The following PSTPIP2 variants were observed in gnomAD, a reference collection of about 807,000 sequenced individuals.
The protein encoded by PSTPIP2 is proline-serine-threonine phosphatase-interacting protein 2.
A neutral mutation model predicts 63.3 loss-of-function variants in PSTPIP2; 33 were observed. That is an observed-to-expected ratio of 0.52 (90% CI 0.40 to 0.70). The LOEUF is 0.70. Ranked by LOEUF, PSTPIP2 falls within the 30% of genes least tolerant of loss-of-function variation. The probability of loss-of-function intolerance (pLI) is 0.00; values close to 1 mark genes in which losing one functional copy is unlikely to be tolerated. For synonymous variants in PSTPIP2, 125 were observed against 132.7 expected (o/e 0.94, Z 0.40); for missense variants, 312 against 400.7 (o/e 0.78, Z 1.89).
intron 1 of PSTPIP2, among the ~76,000 whole-genome samples, chr18:46,051,464 A>C (rs1419684409): frequency 6.6e-6 from 1 of 151,916 alleles, no homozygotes; most frequent in Non-Finnish European, 1.5e-5. Context: ...ACAGAGCAAG[A>C]CTCTGTCTCA....
chr18:45,997,245 AT>A (rs1159024346), intron 9 of PSTPIP2, among the ~76,000 whole-genome samples: 1 of 151,930 alleles, frequency 6.6e-6, no homozygotes, highest in Admixed American at 6.6e-5. Context: ...CTGGAGTGCA[AT>A]GGCACTATCT....
chr18:45,998,971 C>T, intron 7 of PSTPIP2, 132 bp from the exon 8 acceptor site: 1 of 863,540 alleles, frequency 1.2e-6, no homozygotes, highest in Non-Finnish European at 1.8e-6. Context: ...GTGTACATTT[C>T]CCTCATGAGC....
intron 2 of PSTPIP2, chr18:46,029,780 A>T: frequency 1.9e-6 from 1 of 525,902 alleles, no homozygotes; most frequent in Non-Finnish European, 3.6e-6. Flanking sequence ...TACGCCATGG[A>T]ATTTTCTCTC....
chr18:46,003,819 C>T (rs988028765), intron 6 of PSTPIP2, among the ~76,000 whole-genome samples: 1 of 148,722 alleles, frequency 6.7e-6, no homozygotes, highest in East Asian at 2.0e-4. Flanking sequence ...TGCAATAGTG[C>T]GATCTCGGCT....
At chr18:45,999,220 C>T (rs1001129949) in intron 7 of PSTPIP2, among the ~76,000 whole-genome samples, 2 of 152,106 alleles carry the variant, frequency 1.3e-5, no homozygotes, top group African/African-American at 4.8e-5. Context: ...CTCTTATCAC[C>T]CCATCTCCCT....
intron 2 of PSTPIP2, among the ~76,000 whole-genome samples, chr18:46,024,924 G>T (rs190532189): frequency 2.0e-5 from 3 of 152,262 alleles, no homozygotes; most frequent in Admixed American, 2.0e-4. Context: ...GACATTATGC[G>T]AACATTACAG....
intron 1 of PSTPIP2, among the ~76,000 whole-genome samples, chr18:46,051,932 C>T (rs1382765240): frequency 6.6e-6 from 1 of 152,168 alleles, no homozygotes; most frequent in Non-Finnish European, 1.5e-5. Flanking sequence ...ATCAGTGATG[C>T]GTTCAAGATG....
intron 1 of PSTPIP2, among the ~76,000 whole-genome samples, chr18:46,045,431 T>C (rs191927590): frequency 6.6e-6 from 1 of 151,908 alleles, no homozygotes; most frequent in East Asian, 1.9e-4. Context: ...AAACACCACA[T>C]ATTGTCACTC....
intron 5 of PSTPIP2, 46 bp from the exon 6 acceptor site, chr18:46,005,577 T>G (rs533938680): frequency 7.3e-7 from 1 of 1,375,926 alleles, no homozygotes; most frequent in South Asian, 1.3e-5. Context: ...CAAATCATTA[T>G]TAATAAAAAC....
intron 3 of PSTPIP2, among the ~76,000 whole-genome samples, chr18:46,017,967 T>A (rs2051869324): frequency 6.6e-6 from 1 of 152,188 alleles, no homozygotes; most frequent in South Asian, 2.1e-4. Context: ...CCTCTTCAAT[T>A]ATAGTTAATG....
intron 13 of PSTPIP2, among the ~76,000 whole-genome samples, chr18:45,989,300 G>A (rs981883911): frequency 6.6e-6 from 1 of 152,044 alleles, no homozygotes; most frequent in African/African-American, 2.4e-5. Context: ...GAATCATGGG[G>A]GCAGTTTCCC....
At chr18:45,995,191 T>C (rs2051581220) in intron 9 of PSTPIP2, among the ~76,000 whole-genome samples, 1 of 152,140 alleles carries the variant, frequency 6.6e-6, no homozygotes, top group African/African-American at 2.4e-5. Flanking sequence ...CATGGCTCAC[T>C]GCAGCCTCAA....
At position 45,997,800 on chromosome 18, in the gene PSTPIP2, G is replaced by C. The variant is rs750776412; in HGVS notation, c.591C>G (p.Thr197=). Residue 197 remains threonine, a synonymous_variant, in exon 9 of 15, where the codon ACC becomes ACG. Coordinates refer to ENST00000409746, the MANE Select transcript of PSTPIP2 (RefSeq NM_024430.4). ...GCCACTCTTCTCGGACCTTATCCAGGGTGCCGATGTGCAGCATGTATGCTT... is the reference window on the plus strand; with the variant it reads ...GCCACTCTTCTCGGACCTTATCCAGCGTGCCGATGTGCAGCATGTATGCTT... ...SDKAYMLHIG[T]LDKVREEWQS... 53 of 1,547,360 alleles carry C rather than the reference G, an allele frequency of 3.4e-5. No individual in the cohort carries two copies. Among genetic ancestry groups the C allele is most frequent in the Non-Finnish European group, 4.6e-5 (52 of 1,142,522 alleles).
At chr18:45,987,720 C>G (rs183292690) in intron 14 of PSTPIP2, among the ~76,000 whole-genome samples, 13 of 152,254 alleles carry the variant, frequency 8.5e-5, no homozygotes, top group Non-Finnish European at 2.9e-5. Flanking sequence ...AAGAATGATA[C>G]TTTATGAAGA....
chr18:45,985,161 T>A lies in PSTPIP2; in HGVS notation c.*298A>T. On this transcript the variant is annotated 3_prime_UTR_variant, in exon 15 of 15. Coordinates refer to ENST00000409746, the MANE Select transcript of PSTPIP2 (RefSeq NM_024430.4). ...CTGCTCCTCAAGTGGATGCTCCAAATCCAGAAGTGGATTTCATGCTTCCCA... is the reference window on the plus strand; with the variant it reads ...CTGCTCCTCAAGTGGATGCTCCAAAACCAGAAGTGGATTTCATGCTTCCCA... 4.5e-6 allele frequency: 2 copies of A among 443,462 alleles called. No individual in the cohort carries two copies. Among genetic ancestry groups the A allele is most frequent in the Non-Finnish European group, 7.9e-6 (2 of 253,190 alleles). The allele number at this position is 443,462 out of a possible 1,614,324, so 27.5% of individuals were successfully genotyped here.
intron 11 of PSTPIP2, 49 bp downstream of exon 11, chr18:45,992,057 G>T: frequency 6.3e-7 from 1 of 1,594,076 alleles, no homozygotes; most frequent in Non-Finnish European, 8.6e-7. Flanking sequence ...AACAAGAAAG[G>T]CTAATAGAAT....
chr18:46,034,069 C>G (rs1907879760), intron 2 of PSTPIP2, among the ~76,000 whole-genome samples: 1 of 152,176 alleles, frequency 6.6e-6, no homozygotes, highest in Non-Finnish European at 1.5e-5. Context: ...GGCAATCTGT[C>G]CTTCTTAAGG....
intron 3 of PSTPIP2, among the ~76,000 whole-genome samples, chr18:46,023,611 A>G (rs1907458354): frequency 6.6e-6 from 1 of 152,038 alleles, no homozygotes; most frequent in Non-Finnish European, 1.5e-5. Context: ...GTTATCACAA[A>G]CAAAAAAATA....
chr18:46,012,067 T>G (rs993897088), intron 4 of PSTPIP2, among the ~76,000 whole-genome samples: 3 of 152,026 alleles, frequency 2.0e-5, no homozygotes, highest in African/African-American at 7.2e-5. Context: ...AAATACATAT[T>G]CCAGTATTTA....
Sources: allele counts gnomAD v4.1 joint callset (sites outside exome capture counted in the v4.1 genomes callset), GRCh38; gene constraint gnomAD v4.1.1; transcripts MANE v1.5; gene names NCBI Gene and HGNC (gene_info 2026-07-23, HGNC 2026-07-21).